Variants in P4HTM observed in about 807,000 individuals in gnomAD.
The protein encoded by P4HTM is prolyl 4-hydroxylase, transmembrane.
A neutral mutation model predicts 55.3 loss-of-function variants in P4HTM; 33 were observed. The observed-to-expected ratio is 0.60, with a 90% CI of 0.45 to 0.80. The LOEUF (loss-of-function observed/expected upper bound fraction) is 0.80. Ranked by LOEUF, P4HTM falls within the 30% of genes least tolerant of loss-of-function variation. The pLI is 0.00. For missense variants in P4HTM, 542 were observed against 696.5 expected (o/e 0.78, Z 2.50); for synonymous variants, 272 against 286.4 (o/e 0.95, Z 0.51).
Position 49,001,612 on chromosome 3 carries a change from A to C in P4HTM, c.611A>C (p.His204Pro). The C allele has an allele frequency of 6.2e-7, 1 of 1,611,182 alleles. No individual in the cohort carries two copies. The highest frequency in any genetic ancestry group is 8.5e-7 in the Non-Finnish European group (1 of 1,177,996). The change falls in exon 3 of 9, where the codon CAC (histidine) becomes CCC (proline). Residue 204 changes from histidine to proline, a missense_variant. Physicochemically the swap from His to Pro is moderately conservative, Grantham distance 77 (BLOSUM62 -2). Transcript: ENST00000383729. ...CTGCTGGACCAGAACCGTGATGGGC[A>C]CCTTCAGCTCCGTGAGGTTGGAATC... ...FRLLDQNRDG[H>P]LQLREVLAQT...
intron 2 of P4HTM, among the ~76,000 whole-genome samples, chr3:48,995,280 A>G (rs1478335033): frequency 6.6e-6 from 1 of 152,012 alleles, no homozygotes; most frequent in Non-Finnish European, 1.5e-5. Flanking sequence ...TGTATGTACT[A>G]TTCCCTCACT....
In P4HTM at chr3:49,001,612, A is replaced by AGTGC; in HGVS notation, c.611_612insGTGC (p.His204GlnfsTer7). On this transcript the variant is annotated frameshift_variant, in exon 3 of 9. Transcript: ENST00000383729. LOFTEE classifies it high-confidence loss of function. Reference sequence around the variant, plus strand: ...CTGCTGGACCAGAACCGTGATGGGCACCTTCAGCTCCGTGAGGTTGGAATC... The same window carrying AGTGC: ...CTGCTGGACCAGAACCGTGATGGGCAGTGCCCTTCAGCTCCGTGAGGTTGGAATC... 2 of 1,611,182 alleles carry AGTGC rather than the reference A, an allele frequency of 1.2e-6. No individual in the cohort carries two copies. Among genetic ancestry groups the AGTGC allele is most frequent in the South Asian group, 2.2e-5 (2 of 91,040 alleles).
At position 48,990,380 on chromosome 3, in the gene P4HTM, GAGGACGC is replaced by G; in HGVS notation, c.126_132del (p.Glu42AspfsTer21). ...GGCGGCGGCCGGGCTGGGCGACGGC[GAGGACGC>G]ACCGGTGCGTCCGCTGTGCAAGCCC... On this transcript the variant is annotated frameshift_variant, in exon 1 of 9. Transcript: ENST00000383729. LOFTEE classifies it high-confidence loss of function. This position sits in a 1 kb window ranked among gnomAD's most constrained non-coding sequence, Gnocchi z 7.2. The G allele has an allele frequency of 6.3e-7, 1 of 1,587,150 alleles. No individual in the cohort carries two copies. Among genetic ancestry groups the G allele is most frequent in the Non-Finnish European group, 8.5e-7 (1 of 1,173,414 alleles).
In P4HTM at chr3:49,005,053, A is replaced by G. The variant is rs1346004948; in HGVS notation, c.1073+7A>G. 3 of 1,614,008 alleles carry G rather than the reference A, an allele frequency of 1.9e-6. No homozygotes were observed. Among genetic ancestry groups the G allele is most frequent in the Non-Finnish European group, 1.7e-6 (2 of 1,180,030 alleles). The stretch of plus-strand genomic sequence containing the variant: ...CCTTCGAGACCTCCTGCCGGCAAGT[A>G]TCTCCCAACTGGGGGCTGCCTTCAA... On this transcript the variant is annotated splice_region_variant and intron_variant, in intron 6 of 8. Coordinates refer to ENST00000383729, the MANE Select transcript of P4HTM (RefSeq NM_177939.3).
intron 6 of P4HTM, 124 bp downstream of exon 6, chr3:49,005,170 GGTTA>G: frequency 6.2e-7 from 1 of 1,601,526 alleles, no homozygotes; most frequent in Non-Finnish European, 8.5e-7. Context: ...GGGTTATCCC[GGTTA>G]GTGATGCCCT....
intron 6 of P4HTM, chr3:49,005,369 T>C (rs1488771314): frequency 7.1e-6 from 10 of 1,413,426 alleles, no homozygotes; most frequent in Non-Finnish European, 9.2e-6. Context: ...TTGATCTTGA[T>C]TCCACTTAGA....
At chr3:49,001,764 C>G in intron 3 of P4HTM, 136 bp downstream of exon 3, 4 of 715,032 alleles carry the variant, frequency 5.6e-6, no homozygotes, top group South Asian at 1.9e-5. Context: ...CATGCCCAGA[C>G]CCAGGAGGTC....
intron 2 of P4HTM, among the ~76,000 whole-genome samples, chr3:48,993,693 C>G (rs1367012673): frequency 6.6e-6 from 1 of 151,806 alleles, no homozygotes; most frequent in Non-Finnish European, 1.5e-5. Context: ...GAAACCCCGT[C>G]TCTACTAAAA....
chr3:49,005,769 C>T lies in P4HTM; in HGVS notation c.1074-8C>T. Reference sequence around the variant, plus strand: ...GGGGACCTGCTCAGTGCCCCCCCTGCCTTACAGCTACATGACAGTGCTGTT... The same window carrying T: ...GGGGACCTGCTCAGTGCCCCCCCTGTCTTACAGCTACATGACAGTGCTGTT... On this transcript the variant is annotated splice_polypyrimidine_tract_variant and splice_region_variant and intron_variant, in intron 6 of 8. Coordinates refer to ENST00000383729, the MANE Select transcript of P4HTM (RefSeq NM_177939.3). The T allele has an allele frequency of 3.8e-6, 6 of 1,597,484 alleles. No homozygotes were observed. Among genetic ancestry groups the T allele is most frequent in the Non-Finnish European group, 5.1e-6 (6 of 1,172,302 alleles).
chr3:48,990,213 A>AC (rs1482726234), upstream of P4HTM: 1 of 1,140,056 alleles, frequency 8.8e-7, no homozygotes, highest in East Asian at 4.5e-5. This position sits in a 1 kb window ranked among gnomAD's most constrained non-coding sequence, Gnocchi z 7.2. Context: ...CAGCGCGGGC[A>AC]CCCCCGCGGC....
At chr3:48,992,019 A>G (rs1007711166) in intron 2 of P4HTM, 5 of 152,200 alleles carry the variant, frequency 3.3e-5, no homozygotes, top group African/African-American at 1.2e-4. Flanking sequence ...GTAGGGAAAT[A>G]GATTATGCTG....
chr3:49,004,817 C>T (rs1439157938), intron 5 of P4HTM, 44 bp from the exon 6 acceptor site: 2 of 1,567,926 alleles, frequency 1.3e-6, no homozygotes, highest in South Asian at 1.2e-5. Flanking sequence ...TTCAGATCAC[C>T]ACCTTGCCTG....
chr3:49,004,574 A>G, intron 5 of P4HTM: 1 of 554,624 alleles, frequency 1.8e-6, no homozygotes, highest in African/African-American at 1.9e-5. Context: ...TTAAATAAAC[A>G]ACTTTCTTCC....
chr3:49,004,759 G>C, intron 5 of P4HTM, 102 bp from the exon 6 acceptor site: 1 of 1,231,870 alleles, frequency 8.1e-7, no homozygotes. Flanking sequence ...GGGGAGGTGG[G>C]TAGGGGCAAA....
chr3:48,990,722 C>T lies in P4HTM; in HGVS notation c.355-111C>T, dbSNP rs542202121. On this transcript the variant is annotated intron_variant, in intron 1 of 8. Coordinates refer to ENST00000383729, the MANE Select transcript of P4HTM (RefSeq NM_177939.3). The surrounding 1 kb of genome is among the most constrained non-coding windows in gnomAD (Gnocchi z 7.2). ...CCCCGGCGCTGCTCTGCGTCGGTCC[C>T]GCGCGCTCCCACTCACTCGCCTGCT... 160 of 1,473,730 alleles carry T rather than the reference C, an allele frequency of 1.1e-4. 1 individual carries two copies. In the South Asian group the frequency reaches 1.9e-3, roughly 17 times the overall value. 91.3% of individuals were successfully genotyped at this position (1,473,730 alleles called of 1,614,324 possible).
chr3:48,995,974 G>T (rs753264001), intron 2 of P4HTM, among the ~76,000 whole-genome samples: 14 of 152,194 alleles, frequency 9.2e-5, no homozygotes, highest in Non-Finnish European at 7.3e-5. Flanking sequence ...CATCCTCCAC[G>T]TATCCTTCTG....
Position 49,002,849 on chromosome 3 carries a change from G to A in P4HTM, c.724+253G>A, listed in dbSNP as rs139162921. On this transcript the variant is annotated intron_variant, in intron 4 of 8. Transcript: ENST00000383729. The surrounding 1 kb of genome is among the most constrained non-coding windows in gnomAD (Gnocchi z 4.4). ...TTGGAGACCCTTTTGATAACATCAG[G>A]CAGAGTTGAGAGCCTGGGGACAGGA... 5.5e-3 allele frequency: 3,087 copies of A among 559,784 alleles called. 32 individuals carry two copies. Among genetic ancestry groups the A allele is most frequent in the South Asian group, 0.018 (976 of 54,208 alleles). The allele number at this position is 559,784 out of a possible 1,614,324, so 34.7% of individuals were successfully genotyped here.
chr3:49,002,649 C>A lies in P4HTM; in HGVS notation c.724+53C>A. On this transcript the variant is annotated intron_variant, in intron 4 of 8. Coordinates refer to ENST00000383729, the MANE Select transcript of P4HTM (RefSeq NM_177939.3). The surrounding 1 kb of genome is among the most constrained non-coding windows in gnomAD (Gnocchi z 4.4). ...TCCCCGTGAGCCTCCTGCCCACTCC[C>A]AGGTGCACAATTTTGAAAACTTGGG... 7.2e-7 allele frequency: 1 copy of A among 1,398,190 alleles called. No homozygotes were observed. The highest frequency in any genetic ancestry group is 1.0e-6 in the Non-Finnish European group (1 of 982,862). The allele number at this position is 1,398,190 out of a possible 1,614,324, so 86.6% of individuals were successfully genotyped here.
chr3:49,007,126 C>T lies in P4HTM; in HGVS notation c.*219C>T. 1.4e-6 allele frequency: 1 copy of T among 693,726 alleles called. No individual in the cohort carries two copies. Among genetic ancestry groups the T allele is most frequent in the Non-Finnish European group, 2.4e-6 (1 of 423,470 alleles). 43.0% of individuals were successfully genotyped at this position (693,726 alleles called of 1,614,324 possible). ...AACCACAAGGTTCGAGCCGCCGGGC[C>T]CGACAAACTCCGGGTCGGCGAAACA... On this transcript the variant is annotated 3_prime_UTR_variant, in exon 9 of 9. Coordinates refer to ENST00000383729, the MANE Select transcript of P4HTM (RefSeq NM_177939.3). This position sits in a 1 kb window ranked among gnomAD's most constrained non-coding sequence, Gnocchi z 5.1.
Sources: gnomAD v4.1 joint callset for allele counts (sites outside exome capture counted in the v4.1 genomes callset) on GRCh38, gnomAD v4.1.1 for gene constraint, Gnocchi (gnomAD v3.1) non-coding constraint, MANE v1.5 for transcripts, NCBI Gene and HGNC (gene_info 2026-07-23, HGNC 2026-07-21) for gene names.